Variants in UROC1 observed in about 807,000 individuals in gnomAD.
UROC1 encodes the protein urocanate hydratase.
UROC1 carries 79 observed loss-of-function variants against 89.5 expected under a neutral mutation model. The observed-to-expected ratio is 0.88, with a 90% CI of 0.74 to 1.06. The LOEUF (loss-of-function observed/expected upper bound fraction) is 1.06, where lower values mean the gene tolerates loss of function less well. Among genes scored for constraint, UROC1 ranks in the 50% least tolerant of loss-of-function variants. The pLI is 0.00. For missense variants in UROC1, 885 were observed against 907.8 expected, an observed-to-expected ratio of 0.97 and a Z score of 0.32; for synonymous variants, 361 against 354.8, an observed-to-expected ratio of 1.02 and a Z score of -0.20.
In UROC1 at chr3:126,482,171, G is replaced by C; in HGVS notation, c.*174C>G. ...AGCTGCATGTCTCTGGGCCTCAGGG[G>C]GCTGTCTGTAAAATGAGGCTGTGGT... On this transcript the variant is annotated 3_prime_UTR_variant, in exon 20 of 20. Coordinates refer to ENST00000290868, the MANE Select transcript of UROC1 (RefSeq NM_144639.3). 1 of 859,644 alleles carries C rather than the reference G, an allele frequency of 1.2e-6. No individual in the cohort carries two copies. 53.3% of individuals were successfully genotyped at this position (859,644 alleles called of 1,614,324 possible).
At chr3:126,485,771 A>T (rs1047083361) in intron 18 of UROC1, among the ~76,000 whole-genome samples, 8 of 151,578 alleles carry the variant, frequency 5.3e-5, no homozygotes, top group South Asian at 2.1e-4. Flanking sequence ...CTGCATTTTA[A>T]TGATATCCCC....
At position 126,508,488 on chromosome 3, in the gene UROC1, C is replaced by A. The variant is rs201264390; in HGVS notation, c.352-13G>T. On this transcript the variant is annotated splice_polypyrimidine_tract_variant and intron_variant, in intron 3 of 19. Transcript: ENST00000290868. ...GCTCCTGGGGAAACTGAGGAAGACA[C>A]GGGGTCATCTGAGATGAGGGCCTGG... 4 of 1,611,912 alleles carry A rather than the reference C, an allele frequency of 2.5e-6. No homozygotes were observed. Among genetic ancestry groups the A allele is most frequent in the Non-Finnish European group, 3.4e-6 (4 of 1,178,836 alleles).
At chr3:126,503,450 C>T (rs1436277651) in intron 9 of UROC1, among the ~76,000 whole-genome samples, 3 of 152,216 alleles carry the variant, frequency 2.0e-5, no homozygotes, top group African/African-American at 4.8e-5. Context: ...CACTGAAATA[C>T]CTCTGAAGAC....
chr3:126,483,707 G>C (rs62264725), intron 18 of UROC1, among the ~76,000 whole-genome samples: 1,821 of 152,302 alleles, frequency 0.012, 11 homozygotes, highest in East Asian at 0.041. Flanking sequence ...TGTCGGCCTC[G>C]TGCCCACTTC....
At chr3:126,503,795 A>G (rs1264847224) in intron 9 of UROC1, among the ~76,000 whole-genome samples, 200 bp downstream of exon 9, 1 of 151,718 alleles carries the variant, frequency 6.6e-6, no homozygotes, top group Non-Finnish European at 1.5e-5. Context: ...CCCTATCACC[A>G]CCCGCGGGTC....
At chr3:126,492,276 T>C (rs1935672659) in intron 16 of UROC1, 142 bp downstream of exon 16, 4 of 793,592 alleles carry the variant, frequency 5.0e-6, no homozygotes, top group East Asian at 5.3e-5. Context: ...TCCTGAGCAC[T>C]GGGCTGCTGA....
intron 16 of UROC1, among the ~76,000 whole-genome samples, chr3:126,489,720 G>T (rs143903303): frequency 3.3e-5 from 5 of 152,200 alleles, no homozygotes; most frequent in Non-Finnish European, 7.3e-5. Flanking sequence ...GTGAGCTGGG[G>T]TTTAACCCCA....
At chr3:126,505,632 G>C in intron 8 of UROC1, 69 bp downstream of exon 8, 3 of 1,581,336 alleles carry the variant, frequency 1.9e-6, no homozygotes, top group Non-Finnish European at 2.6e-6. Flanking sequence ...TGATCCGGGA[G>C]GAAGAAGGGA....
intron 2 of UROC1, 97 bp from the exon 3 acceptor site, chr3:126,509,775 C>A: frequency 8.7e-7 from 1 of 1,144,870 alleles, no homozygotes; most frequent in South Asian, 1.3e-5. Context: ...GCAAGGATAG[C>A]CGGACACGGG....
chr3:126,485,174 G>T (rs535633960), intron 18 of UROC1, among the ~76,000 whole-genome samples: 1 of 152,344 alleles, frequency 6.6e-6, no homozygotes, highest in Non-Finnish European at 1.5e-5. Flanking sequence ...TGCATGATTC[G>T]ATGAGTTAAC....
chr3:126,506,022 G>C lies in UROC1; in HGVS notation c.603-11C>G, dbSNP rs1421443224. The C allele has an allele frequency of 1.2e-6, 2 of 1,613,246 alleles. No individual in the cohort carries two copies. Among genetic ancestry groups the C allele is most frequent in the African/African-American group, 2.7e-5 (2 of 74,922 alleles). ...GTCATCTGGCCGTACCTGACCACAG[G>C]GAGAGAAGCCAAGCCCAGGGCTCAG... On this transcript the variant is annotated splice_polypyrimidine_tract_variant and intron_variant, in intron 6 of 19. Transcript: ENST00000290868.
At chr3:126,500,362 C>A (rs1467114236) in intron 11 of UROC1, among the ~76,000 whole-genome samples, 6 of 152,194 alleles carry the variant, frequency 3.9e-5, no homozygotes, top group Admixed American at 2.0e-4. Context: ...GCCCAGCTGG[C>A]AACTCCCTAA....
At chr3:126,513,696 A>T (rs1027072973) in intron 1 of UROC1, among the ~76,000 whole-genome samples, 1 of 152,176 alleles carries the variant, frequency 6.6e-6, no homozygotes, top group East Asian at 1.9e-4. Context: ...GTCATCTCCC[A>T]CACTCGTGGG....
intron 18 of UROC1, among the ~76,000 whole-genome samples, chr3:126,487,829 G>A (rs973523707): frequency 3.9e-5 from 6 of 152,248 alleles, no homozygotes; most frequent in African/African-American, 1.4e-4. Flanking sequence ...GCAGGAAGGA[G>A]AAGACCCTGG....
chr3:126,513,578 A>G (rs1156846591), intron 1 of UROC1, among the ~76,000 whole-genome samples: 1 of 152,232 alleles, frequency 6.6e-6, no homozygotes, highest in Admixed American at 6.5e-5. Context: ...AAGTGGGCAT[A>G]ATAACAGTAC....
chr3:126,515,386 C>T (rs929584332), intron 1 of UROC1, among the ~76,000 whole-genome samples: 10 of 150,770 alleles, frequency 6.6e-5, no homozygotes, highest in African/African-American at 9.8e-5. Flanking sequence ...TACCCGCCCC[C>T]GTCCAGGACC....
chr3:126,499,455 T>C, intron 12 of UROC1, 46 bp from the exon 13 acceptor site: 2 of 1,578,450 alleles, frequency 1.3e-6, no homozygotes, highest in Non-Finnish European at 1.7e-6. Flanking sequence ...AGGACACCCA[T>C]GGCCACCCTA....
intron 17 of UROC1, 61 bp downstream of exon 17, chr3:126,489,215 A>T (rs1334790328): frequency 1.4e-6 from 2 of 1,477,634 alleles, no homozygotes; most frequent in East Asian, 4.5e-5. Flanking sequence ...GACTAAATGC[A>T]TCAATTTTTA....
At chr3:126,510,922 CAG>C in intron 1 of UROC1, 128 bp from the exon 2 acceptor site, 1 of 1,402,728 alleles carries the variant, frequency 7.1e-7, no homozygotes, top group Admixed American at 2.2e-5. Context: ...GTTGCCCACC[CAG>C]AGACTGTTCT....
Sources: gnomAD v4.1 joint callset for allele counts (sites outside exome capture counted in the v4.1 genomes callset) on GRCh38, gnomAD v4.1.1 for gene constraint, MANE v1.5 for transcripts, NCBI Gene and HGNC (gene_info 2026-07-23, HGNC 2026-07-21) for gene names.